The following ALK variants were observed in gnomAD, a reference collection of about 807,000 sequenced individuals.
ALK encodes ALK tyrosine kinase receptor.
ALK carries 74 observed loss-of-function variants against 163.1 expected under a neutral mutation model. The observed-to-expected ratio is 0.45, with a 90% CI of 0.38 to 0.55. The LOEUF (loss-of-function observed/expected upper bound fraction) is 0.55, where lower values mean the gene tolerates loss of function less well. ALK is among the 20% of genes least tolerant of loss of function. The pLI is 0.00. For missense variants in ALK, 2,063 were observed against 2,105.3 expected, an observed-to-expected ratio of 0.98 and a Z score of 0.39; for synonymous variants, 960 against 843.2, an observed-to-expected ratio of 1.14 and a Z score of -2.40.
chr2:29,802,285 A>G (rs1362825464), intron 1 of ALK, among the ~76,000 whole-genome samples: 11 of 138,976 alleles, frequency 7.9e-5, no homozygotes, highest in Non-Finnish European at 1.4e-4. Context: ...AGAGGAGAGT[A>G]GAGCAGAGAA....
chr2:29,776,360 AACCCCCTCCTCATTCCTTCCAATCCT>A, intron 1 of ALK, among the ~76,000 whole-genome samples: 2 of 20,252 alleles, frequency 9.9e-5, no homozygotes, highest in Non-Finnish European at 1.4e-3. Flanking sequence ...AGCAATGGTA[AACCCCCTCCTCATTCCTTCCAATCCT>A]AACCTTGATT....
rs551008286 is a variant in ALK, at chr2:29,701,461, A to C, written c.788-6447T>G. ...GGATGAGGCCTTGCAGCCTCAGGCC[A>C]CCGTGAGCTTTGGAAGCAAATACTG... On this transcript the variant is annotated intron_variant, in intron 2 of 28. Coordinates refer to ENST00000389048, the MANE Select transcript of ALK (RefSeq NM_004304.5). Among the ~76,000 whole-genome samples the C allele has an allele frequency of 1.2e-3, 185 of 152,330 alleles. 1 individual carries two copies. The highest frequency in any genetic ancestry group is 2.2e-3 in the Non-Finnish European group (147 of 68,030).
chr2:29,583,660 T>A (rs538364018), intron 3 of ALK, among the ~76,000 whole-genome samples: 14 of 152,082 alleles, frequency 9.2e-5, no homozygotes, highest in Non-Finnish European at 1.8e-4. Context: ...AGAAGGACAG[T>A]CCCCTGTACC....
At chr2:29,608,870 G>T (rs1257611339) in intron 3 of ALK, among the ~76,000 whole-genome samples, 2 of 152,138 alleles carry the variant, frequency 1.3e-5, no homozygotes, top group African/African-American at 4.8e-5. Flanking sequence ...ATCTTGGGTG[G>T]TTTGTGAGGT....
intron 8 of ALK, 131 bp from the exon 9 acceptor site, chr2:29,297,188 G>A: frequency 1.1e-6 from 1 of 950,474 alleles, no homozygotes; most frequent in Non-Finnish European, 1.6e-6. Context: ...AGAGCTGGAT[G>A]CCCACCACCT....
chr2:29,780,262 G>A (rs916409885), intron 1 of ALK, among the ~76,000 whole-genome samples: 3 of 152,138 alleles, frequency 2.0e-5, no homozygotes, highest in African/African-American at 7.2e-5. Context: ...TCCTGTCCAT[G>A]GACCTGAGAT....
intron 3 of ALK, among the ~76,000 whole-genome samples, chr2:29,563,045 G>T (rs1018082217): frequency 6.6e-6 from 1 of 152,162 alleles, no homozygotes; most frequent in Non-Finnish European, 1.5e-5. Flanking sequence ...CAAAAACATG[G>T]TCTCCCAAAG....
intron 3 of ALK, among the ~76,000 whole-genome samples, chr2:29,613,984 G>A (rs894482170): frequency 4.6e-5 from 7 of 152,228 alleles, no homozygotes; most frequent in African/African-American, 1.4e-4. Context: ...CCAAGCCATC[G>A]TCTCTCATCC....
intron 8 of ALK, among the ~76,000 whole-genome samples, chr2:29,312,656 C>T (rs905394312): frequency 6.6e-6 from 1 of 152,178 alleles, no homozygotes. Flanking sequence ...ATAGGCCCAA[C>T]ATTATGTCCT....
At chr2:29,593,523 G>A (rs561743796) in intron 3 of ALK, among the ~76,000 whole-genome samples, 3 of 152,262 alleles carry the variant, frequency 2.0e-5, no homozygotes, top group East Asian at 1.9e-4. Context: ...AGCTCCTAAG[G>A]ACCTACAGGA....
intron 3 of ALK, among the ~76,000 whole-genome samples, chr2:29,548,136 A>T (rs1178523366): frequency 1.3e-5 from 2 of 152,072 alleles, no homozygotes; most frequent in Non-Finnish European, 2.9e-5. Flanking sequence ...GCTGTCTTGT[A>T]ACCAGGGATT....
intron 2 of ALK, among the ~76,000 whole-genome samples, chr2:29,716,920 G>A (rs985124367): frequency 1.6e-4 from 24 of 149,754 alleles, no homozygotes; most frequent in African/African-American, 5.4e-4. Flanking sequence ...TGAGGCAGGC[G>A]GATCACGAGG....
At chr2:29,440,297 C>T (rs1034077240) in intron 4 of ALK, among the ~76,000 whole-genome samples, 2 of 148,926 alleles carry the variant, frequency 1.3e-5, no homozygotes, top group African/African-American at 4.9e-5. Context: ...GCCCATGTTA[C>T]GTAGGTTACG....
At chr2:29,221,152 T>C in intron 22 of ALK, 1 of 558,858 alleles carries the variant, frequency 1.8e-6, no homozygotes, top group South Asian at 1.5e-5. Flanking sequence ...TACTGGTGCG[T>C]GGACTGGGTG....
chr2:29,277,621 C>T (rs1665581991), intron 9 of ALK, among the ~76,000 whole-genome samples: 1 of 152,252 alleles, frequency 6.6e-6, no homozygotes, highest in Non-Finnish European at 1.5e-5. Flanking sequence ...GGGGTTGGCC[C>T]TTCAGGCCAT....
intron 4 of ALK, among the ~76,000 whole-genome samples, chr2:29,447,323 G>A (rs1670710700): frequency 6.6e-6 from 1 of 152,212 alleles, no homozygotes; most frequent in South Asian, 2.1e-4. Context: ...CCTGGGCAGG[G>A]AGAGTTGAGA....
At chr2:29,401,758 T>A (rs917110248) in intron 4 of ALK, among the ~76,000 whole-genome samples, 1 of 152,078 alleles carries the variant, frequency 6.6e-6, no homozygotes, top group Non-Finnish European at 1.5e-5. Context: ...AAATTGGCCG[T>A]CTCATGGGCC....
At chr2:29,636,975 C>T (rs1438863785) in intron 3 of ALK, among the ~76,000 whole-genome samples, 1 of 152,196 alleles carries the variant, frequency 6.6e-6, no homozygotes, top group Admixed American at 6.5e-5. Flanking sequence ...CTACATCACT[C>T]CTACATTGCT....
intron 3 of ALK, among the ~76,000 whole-genome samples, chr2:29,615,627 A>G (rs1675821616): frequency 6.6e-6 from 1 of 152,192 alleles, no homozygotes; most frequent in African/African-American, 2.4e-5. Context: ...TGTGCCCACT[A>G]CTGACCCCAC....
Sources: gnomAD v4.1 joint callset for allele counts (sites outside exome capture counted in the v4.1 genomes callset) on GRCh38, gnomAD v4.1.1 for gene constraint, MANE v1.5 for transcripts, NCBI Gene and HGNC (gene_info 2026-07-23, HGNC 2026-07-21) for gene names.